Variants in STPG1 observed in about 807,000 individuals in gnomAD.
STPG1 encodes the protein sperm tail PG-rich repeat containing 1, also known as O(6)-methylguanine-induced apoptosis 2.
STPG1 carries 33 observed loss-of-function variants against 40.1 expected under a neutral mutation model. That is an observed-to-expected ratio of 0.82 (90% CI 0.62 to 1.10). STPG1 has a LOEUF of 1.10. STPG1 is among the 50% of genes least tolerant of loss of function. The probability of loss-of-function intolerance (pLI) is 0.00; values close to 1 mark genes in which losing one functional copy is unlikely to be tolerated. For missense variants in STPG1, 396 were observed against 415.1 expected (o/e 0.95, Z 0.40); for synonymous variants, 150 against 155.0 (o/e 0.97, Z 0.24).
At chr1:24,372,169 C>T (rs551360825) in intron 6 of STPG1, among the ~76,000 whole-genome samples, 1 of 152,270 alleles carries the variant, frequency 6.6e-6, no homozygotes, top group South Asian at 2.1e-4. Flanking sequence ...CAGAGCAAGA[C>T]TCCATCTCCA....
Position 24,358,330 on chromosome 1 carries a change from G to A in STPG1, c.*213C>T, listed in dbSNP as rs1232424297. On this transcript the variant is annotated 3_prime_UTR_variant, in exon 9 of 9. Coordinates refer to ENST00000337248, the MANE Select transcript of STPG1 (RefSeq NM_001199013.2). ...TGCTCAGGAAGCCACTGGAGTCTGT[G>A]GGGCTGGGGTGAAGTCTCCAGGGAG... The A allele has an allele frequency of 1.5e-6, 1 of 689,522 alleles. No individual in the cohort carries two copies. The highest frequency in any genetic ancestry group is 1.8e-5 in the African/African-American group (1 of 57,038). The allele number at this position is 689,522 out of a possible 1,614,324, so 42.7% of individuals were successfully genotyped here.
chr1:24,383,334 A>G (rs1642370044), intron 4 of STPG1, among the ~76,000 whole-genome samples: 1 of 152,116 alleles, frequency 6.6e-6, no homozygotes, highest in African/African-American at 2.4e-5. Context: ...ATGTATAAAC[A>G]TTTTTAAGAA....
chr1:24,395,085 A>G (rs1642938289), intron 2 of STPG1, among the ~76,000 whole-genome samples: 1 of 152,120 alleles, frequency 6.6e-6, no homozygotes, highest in Non-Finnish European at 1.5e-5. Flanking sequence ...GCAGAGAAAA[A>G]AGACATGTCA....
chr1:24,413,668 TC>T lies in STPG1; in HGVS notation c.-69+5del, dbSNP rs2148723420. ...GACCGGTCCCCCCGCCGGAACTGCT[TC>T]CTACCTGGTCCGGTCCCGGCAGCTG... On this transcript the variant is annotated splice_donor_5th_base_variant and intron_variant, in intron 1 of 8. Transcript: ENST00000337248. 6.6e-6 allele frequency: 1 copy of T among 152,286 alleles called. No homozygotes were observed. Among genetic ancestry groups the T allele is most frequent in the South Asian group, 2.1e-4 (1 of 4,818 alleles). 9.4% of individuals were successfully genotyped at this position (152,286 alleles called of 1,614,324 possible). A position where few individuals can be genotyped will look rare whatever the true frequency, so the allele number is the denominator to read the frequency against.
intron 1 of STPG1, among the ~76,000 whole-genome samples, chr1:24,410,458 A>G (rs1643572859): frequency 6.6e-6 from 1 of 152,120 alleles, no homozygotes; most frequent in South Asian, 2.1e-4. Flanking sequence ...AAAATACAAA[A>G]ATTAGCTGGA....
chr1:24,364,289 G>A, intron 7 of STPG1: 1 of 1,549,730 alleles, frequency 6.5e-7, no homozygotes, highest in South Asian at 1.2e-5. Context: ...TTTGGAGATG[G>A]ATTTTGGAGG....
intron 7 of STPG1, 115 bp downstream of exon 7, chr1:24,369,559 G>C (rs1249291984): frequency 5.3e-6 from 6 of 1,135,004 alleles, no homozygotes; most frequent in Non-Finnish European, 7.7e-6. Context: ...GGCCCCTGAA[G>C]AGAGTGGCCC....
intron 4 of STPG1, 23 bp from the exon 5 acceptor site, chr1:24,379,846 A>G (rs1198370775): frequency 6.2e-7 from 1 of 1,609,392 alleles, no homozygotes; most frequent in African/African-American, 1.3e-5. Context: ...AACCAAAGGA[A>G]TCAGCATTGT....
chr1:24,360,731 C>T, intron 8 of STPG1, 120 bp downstream of exon 8: 1 of 881,386 alleles, frequency 1.1e-6, no homozygotes, highest in Non-Finnish European at 1.7e-6. Flanking sequence ...TCCAAATCTA[C>T]CCTCATCCCT....
chr1:24,388,518 C>G (rs919976727), intron 3 of STPG1, among the ~76,000 whole-genome samples: 4 of 152,156 alleles, frequency 2.6e-5, no homozygotes, highest in African/African-American at 9.7e-5. Flanking sequence ...GTGAGCTGGG[C>G]AAGGAGACCT....
At chr1:24,364,054 A>G (rs1641291450) in intron 7 of STPG1, 2 of 1,318,884 alleles carry the variant, frequency 1.5e-6, no homozygotes, top group East Asian at 5.8e-5. Context: ...CTTCCGTTTT[A>G]CCTTCCAGAA....
intron 1 of STPG1, among the ~76,000 whole-genome samples, chr1:24,409,323 G>C (rs1206423103): frequency 6.6e-6 from 1 of 152,194 alleles, no homozygotes; most frequent in African/African-American, 2.4e-5. Flanking sequence ...TCGTGCCACT[G>C]TTCTTCAGCC....
chr1:24,369,039 A>G (rs1042642216), intron 7 of STPG1: 3 of 190,316 alleles, frequency 1.6e-5, no homozygotes, highest in African/African-American at 7.1e-5. Context: ...GCAAAATCCT[A>G]CGAGGCAGGA....
At chr1:24,377,359 C>A (rs1642077118) in intron 5 of STPG1, among the ~76,000 whole-genome samples, 1 of 152,152 alleles carries the variant, frequency 6.6e-6, no homozygotes, top group Non-Finnish European at 1.5e-5. Context: ...TCTTCAGGGC[C>A]CTGTGTGAAT....
At chr1:24,409,764 C>G (rs1643544218) in intron 1 of STPG1, among the ~76,000 whole-genome samples, 2 of 152,166 alleles carry the variant, frequency 1.3e-5, no homozygotes, top group Admixed American at 6.5e-5. Context: ...CACTTAGTAG[C>G]CATCTCGATT....
intron 4 of STPG1, 80 bp downstream of exon 4, chr1:24,383,822 G>C: frequency 2.2e-6 from 2 of 923,360 alleles, no homozygotes; most frequent in South Asian, 2.7e-5. Flanking sequence ...GAAAGGACCA[G>C]ATGTCCAATA....
At chr1:24,393,997 G>A (rs1642889720) in intron 2 of STPG1, among the ~76,000 whole-genome samples, 1 of 152,188 alleles carries the variant, frequency 6.6e-6, no homozygotes, top group East Asian at 1.9e-4. Flanking sequence ...ACAGAGCAGA[G>A]TACCAGAGAA....
chr1:24,368,617 G>C (rs922023561), intron 7 of STPG1: 2 of 152,156 alleles, frequency 1.3e-5, no homozygotes, highest in Non-Finnish European at 2.9e-5. Flanking sequence ...TATTAAACAG[G>C]GTAACAAAAA....
intron 2 of STPG1, among the ~76,000 whole-genome samples, chr1:24,393,410 C>T (rs1642862623): frequency 6.6e-6 from 1 of 152,212 alleles, no homozygotes; most frequent in South Asian, 2.1e-4. Flanking sequence ...GAGAGCTATA[C>T]AGCAAATCAA....
Sources: allele counts gnomAD v4.1 joint callset (sites outside exome capture counted in the v4.1 genomes callset), GRCh38; gene constraint gnomAD v4.1.1; transcripts MANE v1.5; gene names NCBI Gene and HGNC (gene_info 2026-07-23, HGNC 2026-07-21).